GPR158: variants seen among roughly 807,000 people sequenced by gnomAD.
The protein encoded by GPR158 is G protein-coupled receptor 158.
GPR158 carries 30 observed loss-of-function variants against 78.2 expected under a neutral mutation model. The observed-to-expected ratio is 0.38, with a 90% CI of 0.29 to 0.52. The LOEUF (loss-of-function observed/expected upper bound fraction) is 0.52. GPR158 is among the 20% of genes least tolerant of loss of function. GPR158 has a pLI of 0.83. For missense variants in GPR158, 1,463 were observed against 1,523.5 expected, an observed-to-expected ratio of 0.96 and a Z score of 0.66; for synonymous variants, 581 against 591.1, an observed-to-expected ratio of 0.98 and a Z score of 0.25.
At chr10:25,555,821 G>A (rs113635811) in intron 6 of GPR158, among the ~76,000 whole-genome samples, 19 of 151,304 alleles carry the variant, frequency 1.3e-4, no homozygotes, top group Admixed American at 2.6e-4. Flanking sequence ...GCTATCTTCT[G>A]GCTCTGGCCT....
chr10:25,219,068 C>A (rs1306266082), intron 1 of GPR158, among the ~76,000 whole-genome samples: 1 of 152,104 alleles, frequency 6.6e-6, no homozygotes, highest in Admixed American at 6.5e-5. Context: ...AAAGTAGAAC[C>A]AGAAGTGGGC....
chr10:25,221,646 T>C (rs1298971659), intron 2 of GPR158, among the ~76,000 whole-genome samples: 2 of 152,180 alleles, frequency 1.3e-5, no homozygotes, highest in Non-Finnish European at 2.9e-5. Flanking sequence ...TATATGTGTG[T>C]GTATTTGTTC....
chr10:25,575,470 G>C (rs922585137), intron 7 of GPR158, among the ~76,000 whole-genome samples: 2 of 152,122 alleles, frequency 1.3e-5, no homozygotes, highest in Non-Finnish European at 2.9e-5. Context: ...CTGGGGACTT[G>C]TTAGAAATGC....
intron 2 of GPR158, among the ~76,000 whole-genome samples, chr10:25,261,713 A>G (rs1853970941): frequency 6.6e-6 from 1 of 152,134 alleles, no homozygotes; most frequent in African/African-American, 2.4e-5. Context: ...TTGCTCAGAG[A>G]AGCACTCTGT....
chr10:25,488,052 G>T (rs910722497), intron 5 of GPR158, among the ~76,000 whole-genome samples: 3 of 152,144 alleles, frequency 2.0e-5, no homozygotes, highest in African/African-American at 4.8e-5. Context: ...CATAGGAAGA[G>T]AAGCTTTAAA....
At chr10:25,259,595 T>G (rs1853941517) in intron 2 of GPR158, among the ~76,000 whole-genome samples, 1 of 152,138 alleles carries the variant, frequency 6.6e-6, no homozygotes, top group African/African-American at 2.4e-5. Context: ...ATCATCCCTC[T>G]TTTAAATAAA....
intron 2 of GPR158, among the ~76,000 whole-genome samples, chr10:25,371,750 A>T (rs1166452966): frequency 7.4e-6 from 1 of 134,744 alleles, no homozygotes; most frequent in African/African-American, 2.8e-5. Context: ...AACCATAAAA[A>T]CCCTAGAAGA....
intron 2 of GPR158, among the ~76,000 whole-genome samples, chr10:25,368,586 G>T (rs927299470): frequency 6.6e-6 from 1 of 151,822 alleles, no homozygotes; most frequent in South Asian, 2.1e-4. Flanking sequence ...AAAAATAACA[G>T]ATACTGGTGA....
chr10:25,501,469 C>T (rs541030915), intron 5 of GPR158, among the ~76,000 whole-genome samples: 20 of 152,324 alleles, frequency 1.3e-4, no homozygotes, highest in Admixed American at 5.2e-4. Flanking sequence ...TACTAACTTA[C>T]AATTTGCACT....
intron 8 of GPR158, among the ~76,000 whole-genome samples, chr10:25,591,476 A>G (rs560146494): frequency 6.6e-6 from 1 of 152,180 alleles, no homozygotes; most frequent in Non-Finnish European, 1.5e-5. Context: ...TAATCACATG[A>G]ACATGAGCTT....
intron 2 of GPR158, among the ~76,000 whole-genome samples, chr10:25,358,755 G>A (rs570461361): frequency 6.2e-4 from 94 of 152,054 alleles, no homozygotes; most frequent in East Asian, 2.7e-3. Flanking sequence ...TTATTTCCAC[G>A]TTTGTGAACT....
chr10:25,224,277 C>A (rs1853342491), intron 2 of GPR158, among the ~76,000 whole-genome samples: 2 of 151,752 alleles, frequency 1.3e-5, no homozygotes, highest in Admixed American at 1.3e-4. Context: ...TGTAAAAAAA[C>A]CATTGTTTGA....
chr10:25,339,787 C>T (rs936750862), intron 2 of GPR158, among the ~76,000 whole-genome samples: 2 of 151,972 alleles, frequency 1.3e-5, no homozygotes, highest in African/African-American at 4.8e-5. Context: ...CTAGTATATT[C>T]TGTTAATGTG....
chr10:25,195,233 TCTCA>T (rs1852828425), intron 1 of GPR158, among the ~76,000 whole-genome samples: 1 of 151,602 alleles, frequency 6.6e-6, no homozygotes, highest in South Asian at 2.1e-4. Flanking sequence ...TGAGACGGAA[TCTCA>T]CTCTGTCACC....
chr10:25,521,804 A>T (rs1313514219), intron 5 of GPR158, among the ~76,000 whole-genome samples: 1 of 152,204 alleles, frequency 6.6e-6, no homozygotes, highest in African/African-American at 2.4e-5. Context: ...TGCTGATGGT[A>T]TGAAAGCAAT....
At chr10:25,402,180 T>C (rs1834456742) in intron 3 of GPR158, among the ~76,000 whole-genome samples, 1 of 152,076 alleles carries the variant, frequency 6.6e-6, no homozygotes, top group African/African-American at 2.4e-5. Context: ...CAAAAGTTAA[T>C]AATCTGAATC....
intron 2 of GPR158, among the ~76,000 whole-genome samples, chr10:25,230,384 A>G (rs946109202): frequency 5.9e-5 from 9 of 152,230 alleles, no homozygotes; most frequent in African/African-American, 2.2e-4. Context: ...GGAGAGGCTT[A>G]TATTTCAACT....
rs147468091 is a variant in GPR158, at chr10:25,373,794, C to A, written c.1009-22117C>A. Reference sequence around the variant, plus strand: ...ACTTCTAATGTGGCCAGGGAACATACTCTCTATTGTTTTAGTACTTTGAAA... The same window carrying A: ...ACTTCTAATGTGGCCAGGGAACATAATCTCTATTGTTTTAGTACTTTGAAA... On this transcript the variant is annotated intron_variant, in intron 2 of 10. Coordinates refer to ENST00000376351, the MANE Select transcript of GPR158 (RefSeq NM_020752.3). Among the ~76,000 whole-genome samples, 8 of 151,890 alleles carry A rather than the reference C, an allele frequency of 5.3e-5. No individual in the cohort carries two copies. The East Asian group carries it at 1.6e-3, about 30-fold the overall frequency.
At chr10:25,200,418 C>T (rs1365262429) in intron 1 of GPR158, among the ~76,000 whole-genome samples, 4 of 152,160 alleles carry the variant, frequency 2.6e-5, no homozygotes, top group South Asian at 4.1e-4. Flanking sequence ...GATATTAGAC[C>T]TTTGTCAGAT....
Sources: gnomAD v4.1 joint callset for allele counts (sites outside exome capture counted in the v4.1 genomes callset) on GRCh38, gnomAD v4.1.1 for gene constraint, MANE v1.5 for transcripts, NCBI Gene and HGNC (gene_info 2026-07-23, HGNC 2026-07-21) for gene names.